DNAH14: variants seen among roughly 807,000 people sequenced by gnomAD.
DNAH14 encodes the protein axonemal beta dynein heavy chain 14.
A neutral mutation model predicts 520.9 loss-of-function variants in DNAH14; 478 were observed. The observed-to-expected ratio is 0.92, with a 90% CI of 0.85 to 0.99. The LOEUF is 0.99. DNAH14 is among the 50% of genes least tolerant of loss of function. The probability of loss-of-function intolerance (pLI) is 0.00; values close to 1 mark genes in which losing one functional copy is unlikely to be tolerated. For missense variants in DNAH14, 4,831 were observed against 5,234.5 expected, an observed-to-expected ratio of 0.92 and a Z score of 2.38; for synonymous variants, 1,581 against 1,757.2, an observed-to-expected ratio of 0.90 and a Z score of 2.51.
chr1:225,133,607 C>T (rs2078658415), intron 27 of DNAH14, among the ~76,000 whole-genome samples: 1 of 152,130 alleles, frequency 6.6e-6, no homozygotes, highest in Admixed American at 6.5e-5. Context: ...GTACCAGCAC[C>T]ATGCTGTTTT....
chr1:225,211,735 A>G (rs1468033068), intron 41 of DNAH14, among the ~76,000 whole-genome samples: 3 of 152,148 alleles, frequency 2.0e-5, no homozygotes, highest in Non-Finnish European at 2.9e-5. Flanking sequence ...TCTTAAGGGC[A>G]ACCAGAGAGA....
intron 41 of DNAH14, among the ~76,000 whole-genome samples, chr1:225,208,772 CT>C (rs953894488): frequency 6.6e-6 from 1 of 152,012 alleles, no homozygotes; most frequent in Non-Finnish European, 1.5e-5. Context: ...ATGTTCTGTT[CT>C]TTTTTGTTTG....
At chr1:225,018,994 T>A (rs560930660) in intron 10 of DNAH14, among the ~76,000 whole-genome samples, 2 of 152,200 alleles carry the variant, frequency 1.3e-5, no homozygotes, top group South Asian at 4.1e-4. Context: ...CATTGACATT[T>A]TAACACAACT....
In DNAH14 at chr1:225,258,012, A is replaced by G; in HGVS notation, c.6918A>G (p.Ile2306Met). The change falls in exon 45 of 86, where the codon ATA (isoleucine) becomes ATG (methionine). Residue 2306 changes from isoleucine to methionine, a missense_variant. Coordinates refer to ENST00000682510, the MANE Select transcript of DNAH14 (RefSeq NM_001367479.1). ...LQRSGGNFLK[I>M]TECGECINYT... ...GATCTGGCGGAAACTTCTTGAAGAT[A>G]ACAGAATGTGGAGAATGCATTAATT... 2 of 1,549,948 alleles carry G rather than the reference A, an allele frequency of 1.3e-6. No individual in the cohort carries two copies. Among genetic ancestry groups the G allele is most frequent in the Non-Finnish European group, 1.7e-6 (2 of 1,146,420 alleles).
Position 225,153,793 on chromosome 1 carries a change from T to C in DNAH14, c.5240T>C (p.Ile1747Thr). 6.5e-7 allele frequency: 1 copy of C among 1,550,264 alleles called. No homozygotes were observed. Among genetic ancestry groups the C allele is most frequent in the Non-Finnish European group, 8.7e-7 (1 of 1,146,094 alleles). The stretch of plus-strand genomic sequence containing the variant: ...TTGAGATCTCTGAAGATAGTTTTAA[T>C]AATGGCTGGAACGAAGAAACGGGAG... ...FGLRSLKIVL[I>T]MAGTKKREFK... is the part of the protein sequence containing the mutation. Residue 1747 changes from isoleucine (I) to threonine (T), a missense_variant, in exon 34 of 86, where the codon ATA becomes ACA. Ile to Thr is a moderately conservative substitution (Grantham distance 89). Transcript: ENST00000682510.
At position 225,207,221 on chromosome 1, in the gene DNAH14, G is replaced by A. The variant is rs924222130; in HGVS notation, c.6439+1G>A. On this transcript the variant is annotated splice_donor_variant, in intron 41 of 85. Coordinates refer to ENST00000682510, the MANE Select transcript of DNAH14 (RefSeq NM_001367479.1). LOFTEE classifies it high-confidence loss of function. ...GGTAAAAATGGAGGATTTGAACAAAGTGAGTTTTTTTCTCTAAGTCATATC... is the reference window on the plus strand; with the variant it reads ...GGTAAAAATGGAGGATTTGAACAAAATGAGTTTTTTTCTCTAAGTCATATC... 2.0e-6 allele frequency: 3 copies of A among 1,509,608 alleles called. No homozygotes were observed. Among genetic ancestry groups the A allele is most frequent in the African/African-American group, 2.8e-5 (2 of 70,930 alleles). The allele number at this position is 1,509,608 out of a possible 1,614,324, so 93.5% of individuals were successfully genotyped here.
chr1:224,943,958 G>A (rs148355823), intron 1 of DNAH14, among the ~76,000 whole-genome samples: 5,387 of 152,204 alleles, frequency 0.035, 301 homozygotes, highest in African/African-American at 0.12. Flanking sequence ...GTGCTGAGAA[G>A]AATGTATATT....
chr1:224,966,862 A>C (rs916067084), intron 5 of DNAH14, among the ~76,000 whole-genome samples: 1 of 152,158 alleles, frequency 6.6e-6, no homozygotes, highest in Admixed American at 6.6e-5. Flanking sequence ...TCAGAGTATT[A>C]ATTTCTGCAA....
In DNAH14 at chr1:225,396,788, T is replaced by C. The variant is rs1436061117; in HGVS notation, c.13492-1732T>C. 3 of 152,186 alleles carry C rather than the reference T, an allele frequency of 2.0e-5. No individual in the cohort carries two copies. In the East Asian group the frequency reaches 5.8e-4, roughly 29 times the overall value. The allele number at this position is 152,186 out of a possible 1,614,324, so 9.4% of individuals were successfully genotyped here. ...ACTCCAAAAGGGGCTGTTTACAAAT[T>C]ACCTACAGTTTAGATTTTTCAGAGG... On this transcript the variant is annotated intron_variant, in intron 84 of 85. Coordinates refer to ENST00000682510, the MANE Select transcript of DNAH14 (RefSeq NM_001367479.1).
chr1:225,056,422 T>G (rs1164787174), intron 17 of DNAH14, among the ~76,000 whole-genome samples: 2 of 152,186 alleles, frequency 1.3e-5, no homozygotes, highest in Admixed American at 6.5e-5. Context: ...TGTAGATTCT[T>G]GATATTAGCC....
At chr1:225,331,672 C>A in intron 65 of DNAH14, 95 bp downstream of exon 65, 2 of 1,450,548 alleles carry the variant, frequency 1.4e-6, no homozygotes, top group South Asian at 1.3e-5. Context: ...TATCATATAC[C>A]TTCTAAAACT....
At chr1:225,016,480 T>C (rs2065224340) in intron 10 of DNAH14, among the ~76,000 whole-genome samples, 1 of 152,176 alleles carries the variant, frequency 6.6e-6, no homozygotes, top group South Asian at 2.1e-4. Context: ...AAATTCTTTC[T>C]TTCTCTTTGA....
rs1353478264 is a variant in DNAH14, at chr1:225,155,146, A to G, written c.5273+1320A>G. On this transcript the variant is annotated intron_variant, in intron 34 of 85. Transcript: ENST00000682510. The stretch of plus-strand genomic sequence containing the variant: ...TTGGGCAAAACCTTGGTGAAACTAT[A>G]GGGAAGCAGACATGCTTTTTCCTTT... 2.0e-5 allele frequency among the ~76,000 whole-genome samples: 3 copies of G among 152,190 alleles called. No individual in the cohort carries two copies. The East Asian group carries it at 5.8e-4, about 29-fold the overall frequency.
intron 1 of DNAH14, among the ~76,000 whole-genome samples, chr1:224,935,286 A>G (rs1297847666): frequency 1.3e-5 from 2 of 151,948 alleles, no homozygotes; most frequent in Admixed American, 6.6e-5. Context: ...CTTAAAAGAT[A>G]TAGAATAGCT....
Position 225,204,171 on chromosome 1 carries a change from T to C in DNAH14, c.5887-12T>C, listed in dbSNP as rs1357084275. ...AAATAAAAATTTAAACATTATTGAT[T>C]ACATATTTTAGGTTTTCAAACTTGA... On this transcript the variant is annotated splice_polypyrimidine_tract_variant and intron_variant, in intron 38 of 85. Transcript: ENST00000682510. 3.7e-6 allele frequency: 5 copies of C among 1,341,544 alleles called. No homozygotes were observed. The highest frequency in any genetic ancestry group is 1.5e-5 in the South Asian group (1 of 64,860). 83.1% of individuals were successfully genotyped at this position (1,341,544 alleles called of 1,614,324 possible). A position where few individuals can be genotyped will look rare whatever the true frequency, so the allele number is the denominator to read the frequency against.
chr1:225,148,331 C>CTGA (rs915829306), intron 31 of DNAH14, among the ~76,000 whole-genome samples: 1 of 149,878 alleles, frequency 6.7e-6, no homozygotes, highest in Non-Finnish European at 1.5e-5. Flanking sequence ...GCCATTCTGA[C>CTGA]TGATGTGAGA....
rs1196788077 is a variant in DNAH14, at chr1:225,399,219, C to A, written c.13804C>A (p.His4602Asn). The A allele has an allele frequency of 1.3e-6, 2 of 1,551,618 alleles. No individual in the cohort carries two copies. Among genetic ancestry groups the A allele is most frequent in the South Asian group, 2.4e-5 (2 of 84,040 alleles). Residue 4602 changes from histidine (H) to asparagine (N), a missense_variant, in exon 86 of 86, where the codon CAC becomes AAC. By Grantham distance (68) the His-to-Asn change is moderately conservative. Transcript: ENST00000682510. ...VYLSTKKPPSHWITMRVALLC... is the reference protein window; with the variant it reads ...VYLSTKKPPSNWITMRVALLC... ...TTTATCAACGAAGAAACCTCCTAGT[C>A]ACTGGATCACAATGCGGGTTGCATT...
intron 21 of DNAH14, among the ~76,000 whole-genome samples, chr1:225,095,111 CAG>C (rs2074830870): frequency 1.3e-5 from 2 of 152,008 alleles, no homozygotes; most frequent in Admixed American, 6.6e-5. Flanking sequence ...GTACCTAAAA[CAG>C]AACTACCATT....
chr1:225,186,533 T>C (rs2084761843), intron 37 of DNAH14, among the ~76,000 whole-genome samples: 1 of 151,864 alleles, frequency 6.6e-6, no homozygotes. Context: ...GTAGTACATA[T>C]AATTGTGAGA....
Sources: gnomAD v4.1 joint callset for allele counts (sites outside exome capture counted in the v4.1 genomes callset) on GRCh38, gnomAD v4.1.1 for gene constraint, MANE v1.5 for transcripts, NCBI Gene and HGNC (gene_info 2026-07-23, HGNC 2026-07-21) for gene names.